Variants in SEC22A observed in about 807,000 individuals in gnomAD.
SEC22A encodes vesicle-trafficking protein SEC22a.
SEC22A carries 22 observed loss-of-function variants against 35.3 expected under a neutral mutation model. The ratio of observed to expected loss-of-function variants is 0.62; its 90% CI spans 0.45 to 0.89. SEC22A has a LOEUF of 0.89. Ranked by LOEUF, SEC22A falls within the 40% of genes least tolerant of loss-of-function variation. The pLI, the probability that SEC22A is intolerant of heterozygous loss-of-function variation, is 0.00. For synonymous variants in SEC22A, 119 were observed against 129.5 expected (o/e 0.92, Z 0.55); for missense variants, 354 against 362.5 (o/e 0.98, Z 0.19).
chr3:123,257,522 C>T (rs949823977), intron 5 of SEC22A, among the ~76,000 whole-genome samples: 2 of 151,798 alleles, frequency 1.3e-5, no homozygotes, highest in African/African-American at 4.8e-5. Flanking sequence ...CCTGGTGAAA[C>T]TCCACTCTCT....
At chr3:123,227,359 A>G (rs1937233075) in intron 4 of SEC22A, among the ~76,000 whole-genome samples, 2 of 151,974 alleles carry the variant, frequency 1.3e-5, no homozygotes, top group South Asian at 4.2e-4. Context: ...TGTCCTTTCC[A>G]TCCTCTTAGA....
At chr3:123,268,615 C>T (rs528122558) in intron 6 of SEC22A, among the ~76,000 whole-genome samples, 95 of 152,264 alleles carry the variant, frequency 6.2e-4, no homozygotes, top group African/African-American at 2.1e-3. Context: ...ATATTTTTTA[C>T]CTTAAAATAC....
At chr3:123,234,936 C>A (rs147979859) in intron 4 of SEC22A, among the ~76,000 whole-genome samples, 1 of 151,140 alleles carries the variant, frequency 6.6e-6, no homozygotes, top group African/African-American at 2.4e-5. Context: ...GGTGGGAGGA[C>A]GGCTTGAGCC....
chr3:123,269,430 G>A (rs938064982), intron 6 of SEC22A, among the ~76,000 whole-genome samples: 3 of 151,900 alleles, frequency 2.0e-5, no homozygotes, highest in African/African-American at 7.3e-5. Context: ...GACAATAATT[G>A]CAAAGGGAAT....
chr3:123,269,562 C>T (rs537832484), intron 6 of SEC22A, among the ~76,000 whole-genome samples: 5 of 152,010 alleles, frequency 3.3e-5, no homozygotes, highest in Admixed American at 2.0e-4. Context: ...CAGACACACC[C>T]AAGTTGAGGG....
intron 2 of SEC22A, among the ~76,000 whole-genome samples, chr3:123,214,845 T>G (rs1040363854): frequency 2.6e-5 from 4 of 152,184 alleles, no homozygotes; most frequent in Admixed American, 6.5e-5. Flanking sequence ...GAAGTAAAAT[T>G]TTTTAGTTCT....
chr3:123,253,108 A>G (rs1937634829), intron 5 of SEC22A, among the ~76,000 whole-genome samples: 1 of 152,216 alleles, frequency 6.6e-6, no homozygotes, highest in Admixed American at 6.5e-5. Context: ...CACATTAGAA[A>G]AAAAATGGAA....
intron 4 of SEC22A, among the ~76,000 whole-genome samples, chr3:123,227,959 A>C (rs1050251357): frequency 3.3e-5 from 5 of 151,878 alleles, no homozygotes; most frequent in East Asian, 1.9e-4. Context: ...AAAAAAAAAA[A>C]AAAACTCCAG....
At chr3:123,235,700 C>T (rs1381140232) in intron 4 of SEC22A, among the ~76,000 whole-genome samples, 2 of 152,288 alleles carry the variant, frequency 1.3e-5, no homozygotes, top group South Asian at 4.1e-4. Flanking sequence ...GAAATGCAAA[C>T]ATATGTCCAC....
intron 4 of SEC22A, among the ~76,000 whole-genome samples, chr3:123,239,128 T>C (rs1937480128): frequency 6.6e-6 from 1 of 152,154 alleles, no homozygotes; most frequent in South Asian, 2.1e-4. Flanking sequence ...TTAAAGTATA[T>C]GTTTCATTAT....
chr3:123,253,287 T>C (rs751057109), intron 5 of SEC22A, among the ~76,000 whole-genome samples: 1 of 152,214 alleles, frequency 6.6e-6, no homozygotes, highest in Non-Finnish European at 1.5e-5. Flanking sequence ...ATTTCTTAGG[T>C]CTTAGGACAG....
At chr3:123,228,202 A>G (rs1352268969) in intron 4 of SEC22A, among the ~76,000 whole-genome samples, 1 of 152,026 alleles carries the variant, frequency 6.6e-6, no homozygotes, top group Non-Finnish European at 1.5e-5. Context: ...AGAGTGGGCT[A>G]GTACCCACAT....
At position 123,203,053 on chromosome 3, in the gene SEC22A, CTTTTTTTTTTTTTTTTTT is replaced by C. The variant is rs779433710; in HGVS notation, c.-20+1084_-20+1101del. Among the ~76,000 whole-genome samples the C allele has an allele frequency of 1.1e-3, 50 of 43,850 alleles. 2 individuals carry two copies. Among genetic ancestry groups the C allele is most frequent in the Admixed American group, 0.01 (31 of 2,992 alleles). The allele number at this position is 43,850 out of a possible 152,430, so 28.8% of individuals were successfully genotyped here. A position where few individuals can be genotyped will look rare whatever the true frequency, so the allele number is the denominator to read the frequency against. On this transcript the variant is annotated intron_variant, in intron 1 of 6. Transcript: ENST00000492595. ...GAAAACCATCACATCTGTTTAGTGC[CTTTTTTTTTTTTTTTTTT>C]TTTTTTTTTTTTTTTTGCGTGCAAC...
intron 4 of SEC22A, among the ~76,000 whole-genome samples, chr3:123,229,752 C>T (rs1260469693): frequency 6.6e-6 from 1 of 151,982 alleles, no homozygotes; most frequent in African/African-American, 2.4e-5. Context: ...ATCCCAGCTA[C>T]TCAGGAGGCT....
At chr3:123,219,775 T>C (rs1372899789) in intron 2 of SEC22A, among the ~76,000 whole-genome samples, 2 of 152,170 alleles carry the variant, frequency 1.3e-5, no homozygotes, top group Non-Finnish European at 2.9e-5. Flanking sequence ...AGCAAAAGCA[T>C]GCACAAACTG....
intron 6 of SEC22A, 108 bp from the exon 7 acceptor site, chr3:123,271,414 C>G (rs1460803952): frequency 1.2e-6 from 1 of 812,162 alleles, no homozygotes; most frequent in Non-Finnish European, 2.0e-6. Context: ...AAAAAATAAC[C>G]TTATCCATTC....
chr3:123,268,353 C>G (rs1433001191), intron 6 of SEC22A, among the ~76,000 whole-genome samples: 10 of 152,180 alleles, frequency 6.6e-5, no homozygotes, highest in Admixed American at 6.5e-4. Context: ...TTCTTCAGCT[C>G]CAAGTCTGGG....
At chr3:123,257,995 G>GAAAAAAAAAAAAAAAAAAAAA (rs61068587) in intron 5 of SEC22A, among the ~76,000 whole-genome samples, 23 of 111,458 alleles carry the variant, frequency 2.1e-4, no homozygotes, top group South Asian at 3.3e-4. Flanking sequence ...CCATCTCATT[G>GAAAAAAAAAAAAAAAAAAAAA]AAAAAAAAAA....
intron 6 of SEC22A, among the ~76,000 whole-genome samples, chr3:123,267,411 C>T (rs896379320): frequency 1.3e-5 from 2 of 151,936 alleles, no homozygotes; most frequent in Non-Finnish European, 2.9e-5. Context: ...GTAGGCATCA[C>T]GTAATACATA....
Sources: allele counts gnomAD v4.1 joint callset (sites outside exome capture counted in the v4.1 genomes callset), GRCh38; gene constraint gnomAD v4.1.1; transcripts MANE v1.5; gene names NCBI Gene and HGNC (gene_info 2026-07-23, HGNC 2026-07-21).